Variants in SPIDR observed in about 807,000 individuals in gnomAD.
The protein encoded by SPIDR is DNA repair-scaffolding protein.
SPIDR carries 93 observed loss-of-function variants against 104.6 expected under a neutral mutation model. The observed-to-expected ratio is 0.89, with a 90% confidence interval of 0.75 to 1.06. The LOEUF is 1.06. SPIDR is among the 50% of genes least tolerant of loss of function. The pLI, the probability that SPIDR is intolerant of heterozygous loss-of-function variation, is 0.00. For missense variants in SPIDR, 1,154 were observed against 1,111.2 expected (o/e 1.04, Z -0.55); for synonymous variants, 431 against 416.9 (o/e 1.03, Z -0.41).
intron 8 of SPIDR, among the ~76,000 whole-genome samples, chr8:47,530,907 A>C (rs1195640153): frequency 1.3e-5 from 2 of 151,912 alleles, no homozygotes; most frequent in Non-Finnish European, 2.9e-5. Context: ...TTTCTATTAA[A>C]ATTTTTTATA....
chr8:47,307,936 T>C (rs587647266), intron 5 of SPIDR, among the ~76,000 whole-genome samples: 1 of 152,334 alleles, frequency 6.6e-6, no homozygotes, highest in African/African-American at 2.4e-5. Context: ...GTTTTATTTT[T>C]TTTTCTTTTG....
intron 8 of SPIDR, among the ~76,000 whole-genome samples, chr8:47,497,072 T>C (rs1213808223): frequency 6.6e-6 from 1 of 152,044 alleles, no homozygotes; most frequent in Non-Finnish European, 1.5e-5. Context: ...CTTTCGATTC[T>C]GATTTTCACA....
At chr8:47,415,319 C>G (rs1257781268) in intron 7 of SPIDR, among the ~76,000 whole-genome samples, 8 of 152,122 alleles carry the variant, frequency 5.3e-5, no homozygotes, top group African/African-American at 1.9e-4. Flanking sequence ...GTAATGACAT[C>G]TTTTATAACT....
At chr8:47,518,829 G>T (rs930955941) in intron 8 of SPIDR, among the ~76,000 whole-genome samples, 2 of 152,050 alleles carry the variant, frequency 1.3e-5, no homozygotes, top group Non-Finnish European at 2.9e-5. Context: ...TAAAGACAGG[G>T]TTTCACTGTG....
At chr8:47,732,342 T>C in intron 19 of SPIDR, 1 of 636,224 alleles carries the variant, frequency 1.6e-6, no homozygotes, top group Non-Finnish European at 2.8e-6. Context: ...CCTTTGCCCA[T>C]GCCCGTGTGC....
intron 1 of SPIDR, among the ~76,000 whole-genome samples, chr8:47,268,601 GC>G (rs1202371023): frequency 2.0e-5 from 3 of 152,122 alleles, no homozygotes; most frequent in Admixed American, 2.0e-4. Context: ...ACTGGCACAT[GC>G]TGCTGCACGT....
At chr8:47,458,411 G>T (rs1171048171) in intron 8 of SPIDR, among the ~76,000 whole-genome samples, 1 of 143,536 alleles carries the variant, frequency 7.0e-6, no homozygotes, top group Non-Finnish European at 1.5e-5. Context: ...TATAAAAGGG[G>T]TTGAGTTTTT....
At chr8:47,400,395 T>C (rs2061718376) in intron 6 of SPIDR, among the ~76,000 whole-genome samples, 1 of 152,216 alleles carries the variant, frequency 6.6e-6, no homozygotes, top group Non-Finnish European at 1.5e-5. Context: ...ATACTAAAAA[T>C]GAGATTGATG....
chr8:47,266,046 G>A (rs370943177), intron 1 of SPIDR, among the ~76,000 whole-genome samples: 2 of 151,532 alleles, frequency 1.3e-5, no homozygotes, highest in Admixed American at 1.3e-4. Context: ...CACCATGCCC[G>A]GTCTGAAGTT....
chr8:47,633,537 A>G (rs2067389084), intron 10 of SPIDR, among the ~76,000 whole-genome samples: 1 of 148,894 alleles, frequency 6.7e-6, no homozygotes, highest in African/African-American at 2.5e-5. Flanking sequence ...TTCTTTTTGA[A>G]GACTAGATAT....
intron 11 of SPIDR, among the ~76,000 whole-genome samples, chr8:47,699,045 A>C (rs2079759584): frequency 6.6e-6 from 1 of 152,178 alleles, no homozygotes; most frequent in Non-Finnish European, 1.5e-5. Context: ...TTTTTTTTAC[A>C]CTCATCTTTT....
At chr8:47,456,151 C>G (rs1486580111) in intron 8 of SPIDR, among the ~76,000 whole-genome samples, 1 of 152,142 alleles carries the variant, frequency 6.6e-6, no homozygotes, top group Non-Finnish European at 1.5e-5. Flanking sequence ...TGCTACAGTC[C>G]TAACTCCCAT....
At chr8:47,405,711 A>G (rs1350913559) in intron 6 of SPIDR, among the ~76,000 whole-genome samples, 2 of 152,210 alleles carry the variant, frequency 1.3e-5, no homozygotes, top group African/African-American at 4.8e-5. Context: ...CTTTATAAAT[A>G]ACTTATCTGG....
intron 5 of SPIDR, among the ~76,000 whole-genome samples, chr8:47,312,329 CCCA>C (rs2044347205): frequency 6.6e-6 from 1 of 152,166 alleles, no homozygotes. Flanking sequence ...AGTTTACACT[CCCA>C]CCAACAGTGT....
At chr8:47,596,712 T>TA (rs2061657435) in intron 9 of SPIDR, among the ~76,000 whole-genome samples, 1 of 152,208 alleles carries the variant, frequency 6.6e-6, no homozygotes, top group African/African-American at 2.4e-5. Flanking sequence ...TTTCTAGCTT[T>TA]ATAAACTTTA....
chr8:47,359,327 G>A (rs941758565), intron 5 of SPIDR, among the ~76,000 whole-genome samples: 1 of 151,220 alleles, frequency 6.6e-6, no homozygotes, highest in South Asian at 2.1e-4. Context: ...TGGCACATTC[G>A]ATGAAAGTTT....
At chr8:47,305,732 T>TTAGTTA (rs2042987984) in intron 5 of SPIDR, among the ~76,000 whole-genome samples, 3 of 152,244 alleles carry the variant, frequency 2.0e-5, no homozygotes, top group African/African-American at 7.2e-5. Context: ...AATAAAATGA[T>TTAGTTA]ATGACTAGAT....
At chr8:47,571,039 C>T (rs545712122) in intron 8 of SPIDR, among the ~76,000 whole-genome samples, 87 of 151,614 alleles carry the variant, frequency 5.7e-4, no homozygotes, top group Admixed American at 2.0e-3. Flanking sequence ...TGCAGTGAGC[C>T]GAGATCGCAC....
intron 8 of SPIDR, among the ~76,000 whole-genome samples, chr8:47,555,546 T>A (rs1007424930): frequency 3.9e-5 from 6 of 152,350 alleles, no homozygotes; most frequent in South Asian, 2.1e-4. Flanking sequence ...AGTAATTTTT[T>A]AAAAATCTAT....
Sources: allele counts gnomAD v4.1 joint callset (sites outside exome capture counted in the v4.1 genomes callset), GRCh38; gene constraint gnomAD v4.1.1; transcripts MANE v1.5; gene names NCBI Gene and HGNC (gene_info 2026-07-23, HGNC 2026-07-21).